STRA6: variants seen among roughly 807,000 people sequenced by gnomAD.
STRA6 encodes the protein signaling receptor and transporter of retinol STRA6.
STRA6 carries 48 observed loss-of-function variants against 83.6 expected under a neutral mutation model. That is an observed-to-expected ratio of 0.57 (90% confidence interval 0.46 to 0.73). The LOEUF (loss-of-function observed/expected upper bound fraction) is 0.73, where lower values mean the gene tolerates loss of function less well. STRA6 is among the 30% of genes least tolerant of loss of function. The pLI, the probability that STRA6 is intolerant of heterozygous loss-of-function variation, is 0.00. For synonymous variants in STRA6, 353 were observed against 362.3 expected, an observed-to-expected ratio of 0.97 and a Z score of 0.29; for missense variants, 760 against 838.8, an observed-to-expected ratio of 0.91 and a Z score of 1.16.
chr15:74,195,250 G>A (rs2073750855), intron 7 of STRA6, 52 bp downstream of exon 7: 3 of 1,599,528 alleles, frequency 1.9e-6, no homozygotes, highest in East Asian at 2.2e-5. Flanking sequence ...TGTGGTTTGA[G>A]TAGGTTGCTC....
At chr15:74,187,754 A>G (rs1254862123) in intron 12 of STRA6, among the ~76,000 whole-genome samples, 1 of 152,218 alleles carries the variant, frequency 6.6e-6, no homozygotes, top group African/African-American at 2.4e-5. Context: ...GTTTGGCCCA[A>G]GAAGATTCAA....
At chr15:74,202,557 C>A in intron 1 of STRA6, 156 bp downstream of exon 1, 2 of 1,465,232 alleles carry the variant, frequency 1.4e-6, no homozygotes, top group Non-Finnish European at 1.8e-6. Context: ...CCCTTGGGGC[C>A]CCGGGGCTCC....
intron 1 of STRA6, 33 bp from the exon 2 acceptor site, chr15:74,202,315 C>G (rs2074110857): frequency 6.3e-7 from 1 of 1,579,232 alleles, no homozygotes; most frequent in Admixed American, 1.9e-5. Flanking sequence ...AAAAAAGCCA[C>G]TACAGATGTG....
At chr15:74,207,598 A>T, upstream of STRA6, 1 of 1,161,878 alleles carries the variant, frequency 8.6e-7, no homozygotes, top group Non-Finnish European at 1.2e-6. Flanking sequence ...CCAATAGTTT[A>T]CAATACTCAA....
At chr15:74,195,728 G>A in intron 5 of STRA6, 53 bp from the exon 6 acceptor site, 1 of 992,108 alleles carries the variant, frequency 1.0e-6, no homozygotes, top group Non-Finnish European at 1.6e-6. Context: ...TGAGAAGGTG[G>A]ATATATAATG....
At chr15:74,191,097 A>T in intron 10 of STRA6, 70 bp downstream of exon 10, 1 of 1,591,054 alleles carries the variant, frequency 6.3e-7, no homozygotes, top group East Asian at 2.3e-5. Context: ...CCAGTCCTCC[A>T]CTGCAGCCAT....
At chr15:74,202,545 T>A in intron 1 of STRA6, 168 bp downstream of exon 1, 1 of 1,481,106 alleles carries the variant, frequency 6.8e-7, no homozygotes, top group Non-Finnish European at 8.9e-7. Context: ...GAGATAGCTG[T>A]CCCCTTGGGG....
At chr15:74,190,419 T>C (rs1297092715) in intron 11 of STRA6, among the ~76,000 whole-genome samples, 1 of 148,674 alleles carries the variant, frequency 6.7e-6, no homozygotes, top group African/African-American at 2.6e-5. Flanking sequence ...TGTTGGTTTT[T>C]TCGGGGTTTT....
chr15:74,197,931 C>A, intron 2 of STRA6, 113 bp from the exon 3 acceptor site: 1 of 1,075,594 alleles, frequency 9.3e-7, no homozygotes, highest in Non-Finnish European at 1.4e-6. Context: ...CCTCCCTCAA[C>A]CCTCTGATCC....
At chr15:74,202,899 C>A, upstream of STRA6, 2 of 993,646 alleles carry the variant, frequency 2.0e-6, no homozygotes, top group Non-Finnish European at 1.2e-6. Context: ...CTTGACAAAG[C>A]CCCCCTCCTG....
chr15:74,198,257 C>T (rs1380900883), intron 2 of STRA6, among the ~76,000 whole-genome samples: 2 of 151,920 alleles, frequency 1.3e-5, no homozygotes, highest in South Asian at 2.1e-4. Context: ...CAGGTGTGCA[C>T]CACCATGCCT....
intron 7 of STRA6, chr15:74,195,062 C>G (rs1350805041): frequency 6.9e-7 from 1 of 1,447,110 alleles, no homozygotes; most frequent in South Asian, 1.4e-5. Flanking sequence ...CCCACTTCCC[C>G]TTCTCCGCCA....
chr15:74,198,811 C>A (rs1203993290), intron 2 of STRA6, among the ~76,000 whole-genome samples: 4 of 152,218 alleles, frequency 2.6e-5, no homozygotes, highest in Non-Finnish European at 5.9e-5. Context: ...TCCCTATGGC[C>A]TGGCAATGGT....
chr15:74,204,215 C>T (rs1329795306), upstream of STRA6, among the ~76,000 whole-genome samples: 1 of 152,210 alleles, frequency 6.6e-6, no homozygotes, highest in East Asian at 1.9e-4. Flanking sequence ...CCCAGGGATG[C>T]GGGAAACTTG....
chr15:74,211,241 A>G (rs1211003135), upstream of STRA6, among the ~76,000 whole-genome samples: 1 of 151,514 alleles, frequency 6.6e-6, no homozygotes, highest in African/African-American at 2.4e-5. Flanking sequence ...GTTTCATTCT[A>G]TGGCTGGGAG....
intron 8 of STRA6, chr15:74,191,827 T>C (rs2142035474): frequency 4.7e-6 from 2 of 421,056 alleles, no homozygotes; most frequent in Non-Finnish European, 8.9e-6. Context: ...TGGCCTCTGC[T>C]AGCTGAAACT....
intron 11 of STRA6, 139 bp downstream of exon 11, chr15:74,190,701 C>T: frequency 1.6e-6 from 2 of 1,289,972 alleles, no homozygotes; most frequent in Non-Finnish European, 2.2e-6. Context: ...TAGGCCAGAA[C>T]TCCCAAGATG....
rs984519657 is a variant in STRA6, at chr15:74,191,209, C to G, written c.823G>C (p.Ala275Pro). 6.2e-7 allele frequency: 1 copy of G among 1,613,568 alleles called. No individual in the cohort carries two copies. Among genetic ancestry groups the G allele is most frequent in the African/African-American group, 1.3e-5 (1 of 74,814 alleles). ...ATGCAGTGTCTCAAGCAGACGCGGGCCCAGGACAGGAAGCCATGCTTGGAG... is the reference window on the plus strand; with the variant it reads ...ATGCAGTGTCTCAAGCAGACGCGGGGCCAGGACAGGAAGCCATGCTTGGAG... ...HTSKHGFLSW[A>P]RVCLRHCIYT... Residue 275 changes from alanine to proline, a missense_variant, in exon 10 of 19, where the codon GCC becomes CCC. Physicochemically the swap from Ala to Pro is conservative, Grantham distance 27 (BLOSUM62 -1). Coordinates refer to ENST00000395105, the MANE Select transcript of STRA6 (RefSeq NM_022369.4).
At chr15:74,197,884 G>A (rs2073894865) in intron 2 of STRA6, 66 bp from the exon 3 acceptor site, 1 of 1,546,962 alleles carries the variant, frequency 6.5e-7, no homozygotes, top group Non-Finnish European at 8.8e-7. Flanking sequence ...GATGGGTCTG[G>A]GGTTCAAGAC....
Sources: gnomAD v4.1 joint callset for allele counts (sites outside exome capture counted in the v4.1 genomes callset) on GRCh38, gnomAD v4.1.1 for gene constraint, MANE v1.5 for transcripts, NCBI Gene and HGNC (gene_info 2026-07-23, HGNC 2026-07-21) for gene names.